Variants in VSTM2L observed in about 807,000 individuals in gnomAD.
VSTM2L encodes the protein V-set and transmembrane domain containing 2 like, also known as V-set and transmembrane domain-containing protein 2-like protein.
VSTM2L carries 9 observed loss-of-function variants against 19.9 expected under a neutral mutation model. The observed-to-expected ratio is 0.45, with a 90% CI of 0.27 to 0.79. The LOEUF (loss-of-function observed/expected upper bound fraction) is 0.79, where lower values mean the gene tolerates loss of function less well. Among genes scored for constraint, VSTM2L ranks in the 30% least tolerant of loss-of-function variants. VSTM2L has a pLI of 0.15. For synonymous variants in VSTM2L, 127 were observed against 133.8 expected (o/e 0.95, Z 0.35); for missense variants, 286 against 295.5 (o/e 0.97, Z 0.24).
chr20:37,940,078 C>G (rs1202202931), intron 3 of VSTM2L, among the ~76,000 whole-genome samples: 2 of 152,144 alleles, frequency 1.3e-5, no homozygotes, highest in African/African-American at 4.8e-5. Context: ...AGCGAGTGCT[C>G]CCAGCACTTT....
At chr20:37,931,543 A>C (rs2072908900) in intron 1 of VSTM2L, 92 bp from the exon 2 acceptor site, 107 of 1,032,000 alleles carry the variant, frequency 1.0e-4, no homozygotes, top group East Asian at 3.8e-4. Context: ...CCCGCCGTGC[A>C]GGGCCAGCTG....
chr20:37,908,056 T>G (rs2072760371), intron 1 of VSTM2L, among the ~76,000 whole-genome samples: 1 of 152,250 alleles, frequency 6.6e-6, no homozygotes, highest in African/African-American at 2.4e-5. Context: ...CAATTACGCC[T>G]GTAAACACTC....
chr20:37,914,748 G>A (rs531879005), intron 1 of VSTM2L, among the ~76,000 whole-genome samples: 1 of 152,274 alleles, frequency 6.6e-6, no homozygotes, highest in African/African-American at 2.4e-5. Flanking sequence ...ACCTTGCAGA[G>A]GGGAAAACTG....
At chr20:37,932,759 G>A (rs2072918058) in intron 2 of VSTM2L, among the ~76,000 whole-genome samples, 1 of 152,060 alleles carries the variant, frequency 6.6e-6, no homozygotes, top group African/African-American at 2.4e-5. Context: ...GCTCTTGGAG[G>A]AACTCCATCT....
intron 1 of VSTM2L, 81 bp from the exon 2 acceptor site, chr20:37,931,554 T>G: frequency 2.8e-6 from 4 of 1,428,080 alleles, no homozygotes; most frequent in Non-Finnish European, 3.8e-6. Flanking sequence ...GGGCCAGCTG[T>G]TCCTACGTTC....
chr20:37,914,137 A>ATG (rs1317472903), intron 1 of VSTM2L, among the ~76,000 whole-genome samples: 3 of 150,462 alleles, frequency 2.0e-5, no homozygotes, highest in Non-Finnish European at 4.4e-5. Context: ...GCGCGCACGA[A>ATG]TGTGTGTGTG....
intron 3 of VSTM2L, among the ~76,000 whole-genome samples, chr20:37,940,445 G>A (rs1432781748): frequency 1.3e-5 from 2 of 152,244 alleles, no homozygotes; most frequent in African/African-American, 4.8e-5. Context: ...TCAGCATGAG[G>A]GAGGAAGATC....
rs763168906 is a variant in VSTM2L, at chr20:37,931,675, G to C, written c.162G>C (p.Thr54=). Residue 54 remains threonine, a synonymous_variant, in exon 2 of 4, where the codon ACG becomes ACC. Transcript: ENST00000373461. ...TETPHDMTAR[T]GEDVEMACSF... ...CACCCCATGACATGACAGCACGGAC[G>C]GGCGAGGACGTGGAGATGGCCTGCT... 1.2e-6 allele frequency: 2 copies of C among 1,613,498 alleles called. No individual in the cohort carries two copies. The highest frequency in any genetic ancestry group is 1.1e-5 in the South Asian group (1 of 91,084).
intron 3 of VSTM2L, among the ~76,000 whole-genome samples, chr20:37,936,071 T>C (rs1455544660): frequency 1.3e-5 from 2 of 149,496 alleles, no homozygotes; most frequent in African/African-American, 4.9e-5. Flanking sequence ...TTTTTTTGTA[T>C]TTTTAGTAGA....
intron 1 of VSTM2L, among the ~76,000 whole-genome samples, chr20:37,927,458 A>T (rs1446677968): frequency 1.3e-5 from 2 of 152,040 alleles, no homozygotes; most frequent in African/African-American, 4.8e-5. Flanking sequence ...GAGGCCCTAG[A>T]TGGCCACTTC....
At chr20:37,940,995 C>T (rs1401213956) in intron 3 of VSTM2L, among the ~76,000 whole-genome samples, 2 of 152,150 alleles carry the variant, frequency 1.3e-5, no homozygotes, top group East Asian at 3.9e-4. Context: ...TGGGTGGGGA[C>T]ACAGAGCCAA....
At chr20:37,922,438 A>C (rs191516005) in intron 1 of VSTM2L, among the ~76,000 whole-genome samples, 45 of 152,258 alleles carry the variant, frequency 3.0e-4, no homozygotes, top group African/African-American at 9.6e-4. Flanking sequence ...GGAGCATCAC[A>C]GTGTGATCTA....
chr20:37,915,005 G>A (rs770782942), intron 1 of VSTM2L, among the ~76,000 whole-genome samples: 1 of 152,240 alleles, frequency 6.6e-6, no homozygotes, highest in Non-Finnish European at 1.5e-5. Context: ...GGCGTTGAAG[G>A]CGGCGGCAAT....
chr20:37,913,025 C>T (rs2072790035), intron 1 of VSTM2L, among the ~76,000 whole-genome samples: 1 of 152,158 alleles, frequency 6.6e-6, no homozygotes, highest in South Asian at 2.1e-4. Flanking sequence ...ATGCACACAG[C>T]TCTCTTCGAT....
chr20:37,917,059 A>G (rs915376463), intron 1 of VSTM2L, among the ~76,000 whole-genome samples: 1 of 152,176 alleles, frequency 6.6e-6, no homozygotes, highest in Non-Finnish European at 1.5e-5. Flanking sequence ...CACACCTGTA[A>G]TCCCAGCACT....
At chr20:37,933,514 C>G (rs772072875) in intron 2 of VSTM2L, 25 bp from the exon 3 acceptor site, 8 of 1,591,352 alleles carry the variant, frequency 5.0e-6, no homozygotes. Flanking sequence ...TCTCTGCTCT[C>G]TCCGCCCCTC....
chr20:37,917,431 G>C (rs1239672052), intron 1 of VSTM2L, among the ~76,000 whole-genome samples: 2 of 152,256 alleles, frequency 1.3e-5, no homozygotes, highest in African/African-American at 2.4e-5. Flanking sequence ...GAATGTGCTT[G>C]TGTCTAAGGC....
At chr20:37,921,838 CTTTTTT>C (rs756122087) in intron 1 of VSTM2L, among the ~76,000 whole-genome samples, 18 of 91,782 alleles carry the variant, frequency 2.0e-4, no homozygotes, top group African/African-American at 9.3e-4. Flanking sequence ...CTTTCTTTTC[CTTTTTT>C]TTTTTTTTTT....
In VSTM2L at chr20:37,903,454, A is replaced by T; in HGVS notation, c.104A>T (p.Asn35Ile). Residue 35 changes from asparagine (N) to isoleucine (I), a missense_variant, in exon 1 of 4, where the codon AAC becomes ATC. Coordinates refer to ENST00000373461, the MANE Select transcript of VSTM2L (RefSeq NM_080607.3). ...TRPAGHAPWD[N>I]HVSGHALFTE... ...CCCGCCGGCCACGCGCCCTGGGACA[A>T]CCACGTCTCCGGCCACGGTGAGTTC... The T allele has an allele frequency of 6.7e-7, 1 of 1,481,986 alleles. No homozygotes were observed. The highest frequency in any genetic ancestry group is 8.9e-7 in the Non-Finnish European group (1 of 1,122,724). 91.8% of individuals were successfully genotyped at this position (1,481,986 alleles called of 1,614,324 possible).
Sources: gnomAD v4.1 joint callset for allele counts (sites outside exome capture counted in the v4.1 genomes callset) on GRCh38, gnomAD v4.1.1 for gene constraint, MANE v1.5 for transcripts, NCBI Gene and HGNC (gene_info 2026-07-23, HGNC 2026-07-21) for gene names.